The following MPDZ variants were observed in gnomAD, a reference collection of about 807,000 sequenced individuals.
MPDZ encodes multiple PDZ domain protein.
Under a neutral mutation model 239.1 loss-of-function variants are expected in MPDZ, and 234 were observed. The ratio of observed to expected loss-of-function variants is 0.98; its 90% confidence interval spans 0.88 to 1.09. The LOEUF is 1.09. Ranked by LOEUF, MPDZ falls within the 50% of genes least tolerant of loss-of-function variation. The probability of loss-of-function intolerance (pLI) is 0.00; values close to 1 mark genes in which losing one functional copy is unlikely to be tolerated. For missense variants in MPDZ, 3,175 were observed against 2,510.0 expected (o/e 1.26, Z -5.66); for synonymous variants, 1,048 against 881.3 (o/e 1.19, Z -3.35).
At chr9:13,236,225 G>GTA (rs1232732789) in intron 3 of MPDZ, among the ~76,000 whole-genome samples, 1 of 76,762 alleles carries the variant, frequency 1.3e-5, no homozygotes, top group South Asian at 5.9e-4. Context: ...GTGTGTGTGT[G>GTA]TATATGTATA....
chr9:13,118,145 G>T (rs1183074838), intron 39 of MPDZ, among the ~76,000 whole-genome samples: 1 of 152,132 alleles, frequency 6.6e-6, no homozygotes, highest in Admixed American at 6.6e-5. Context: ...CACCTGGTGA[G>T]ACTAGATTTT....
At chr9:13,207,232 A>G (rs1476783031) in intron 10 of MPDZ, among the ~76,000 whole-genome samples, 1 of 152,180 alleles carries the variant, frequency 6.6e-6, no homozygotes, top group African/African-American at 2.4e-5. Context: ...ACATTCAAAA[A>G]TGTCCCGGTG....
chr9:13,148,108 T>G (rs562651122), intron 25 of MPDZ, among the ~76,000 whole-genome samples: 1 of 152,100 alleles, frequency 6.6e-6, no homozygotes, highest in African/African-American at 2.4e-5. Context: ...CAGGGAAGCT[T>G]GAAGTTCAAA....
chr9:13,145,736 ATACC>A (rs1252584971), intron 26 of MPDZ, among the ~76,000 whole-genome samples: 1 of 152,038 alleles, frequency 6.6e-6, no homozygotes, highest in Non-Finnish European at 1.5e-5. Context: ...AGGTATCATT[ATACC>A]TCAGAGAGCA....
At chr9:13,203,773 C>CACACACAG (rs1400930663) in intron 12 of MPDZ, among the ~76,000 whole-genome samples, 11 of 125,736 alleles carry the variant, frequency 8.7e-5, no homozygotes, top group African/African-American at 2.9e-4. Context: ...CACACACACA[C>CACACACAG]AGAGAGAGAA....
At chr9:13,199,621 T>G (rs1395815960) in intron 12 of MPDZ, among the ~76,000 whole-genome samples, 9 of 152,212 alleles carry the variant, frequency 5.9e-5, no homozygotes, top group Admixed American at 1.3e-4. Flanking sequence ...CTGTTCGGTA[T>G]ATTAGCTGTG....
chr9:13,247,628 G>GTCCT lies in MPDZ; in HGVS notation c.183+3_183+6dup. 6.2e-7 allele frequency: 1 copy of GTCCT among 1,606,304 alleles called. No homozygotes were observed. The highest frequency in any genetic ancestry group is 1.3e-5 in the African/African-American group (1 of 74,970). On this transcript the variant is annotated splice_region_variant and intron_variant, in intron 3 of 46. Transcript: ENST00000319217. ...GTGAATGCCTGCTTGGGTGAATGAT[G>GTCCT]TCCTACCTGGTCTTTCAGCTGCTGT...
chr9:13,174,243 T>C (rs910261130), intron 21 of MPDZ, among the ~76,000 whole-genome samples: 3 of 152,198 alleles, frequency 2.0e-5, no homozygotes, highest in African/African-American at 2.4e-5. Flanking sequence ...TATTATAGCA[T>C]GTACAATATT....
At position 13,221,427 on chromosome 9, in the gene MPDZ, C is replaced by A. The variant is rs750474727; in HGVS notation, c.821G>T (p.Gly274Val). ...GSGLGFGIIGGKATGVIVKTI... is the reference protein window; with the variant it reads ...GSGLGFGIIGVKATGVIVKTI... Reference sequence around the variant, plus strand: ...TTTTACTATCACACCAGTTGCTTTTCCTCCTATGATGCCAAATCCCAAACC... The same window carrying A: ...TTTTACTATCACACCAGTTGCTTTTACTCCTATGATGCCAAATCCCAAACC... The change falls in exon 7 of 47, where the codon GGA (glycine) becomes GTA (valine). Residue 274 changes from glycine to valine, a missense_variant. Coordinates refer to ENST00000319217, the MANE Select transcript of MPDZ (RefSeq NM_001378778.1). 2 of 1,611,354 alleles carry A rather than the reference C, an allele frequency of 1.2e-6. No individual in the cohort carries two copies. Among genetic ancestry groups the A allele is most frequent in the Non-Finnish European group, 1.7e-6 (2 of 1,178,330 alleles).
chr9:13,236,077 T>C (rs1157624658), intron 3 of MPDZ, among the ~76,000 whole-genome samples: 1 of 150,908 alleles, frequency 6.6e-6, no homozygotes, highest in Non-Finnish European at 1.5e-5. Context: ...TAGTTTTTAT[T>C]CAAACCTGCA....
intron 32 of MPDZ, among the ~76,000 whole-genome samples, chr9:13,132,211 C>G (rs891645519): frequency 6.6e-6 from 1 of 152,172 alleles, no homozygotes; most frequent in African/African-American, 2.4e-5. Flanking sequence ...CAGAAACCAG[C>G]TTTTATATTG....
chr9:13,115,113 T>A, intron 40 of MPDZ, 135 bp downstream of exon 40: 1 of 673,178 alleles, frequency 1.5e-6, no homozygotes, highest in Non-Finnish European at 2.6e-6. Flanking sequence ...CTTCTCTGTC[T>A]CAAACTCTGC....
chr9:13,172,783 G>A (rs972844188), intron 21 of MPDZ, among the ~76,000 whole-genome samples: 3 of 152,130 alleles, frequency 2.0e-5, no homozygotes, highest in African/African-American at 7.2e-5. Flanking sequence ...TTCTAGATGT[G>A]ATGGAAAGGA....
At chr9:13,225,021 G>A (rs142884551) in intron 3 of MPDZ, among the ~76,000 whole-genome samples, 4 of 152,050 alleles carry the variant, frequency 2.6e-5, no homozygotes, top group Middle Eastern at 6.8e-3. Context: ...GCCCAAACTC[G>A]GAGCTGAATT....
chr9:13,147,505 A>G lies in MPDZ; in HGVS notation c.3741+43T>C, dbSNP rs769954916. 13 of 1,450,114 alleles carry G rather than the reference A, an allele frequency of 9.0e-6. No individual in the cohort carries two copies. The East Asian group carries it at 1.4e-4, about 15-fold the overall frequency. 89.8% of individuals were successfully genotyped at this position (1,450,114 alleles called of 1,614,324 possible). A position where few individuals can be genotyped will look rare whatever the true frequency, so the allele number is the denominator to read the frequency against. Reference sequence around the variant, plus strand: ...CTTGATACATTAGATTCCAAGTTGAACACTGTTTGGATATGCCTACCTTGC... The same window carrying G: ...CTTGATACATTAGATTCCAAGTTGAGCACTGTTTGGATATGCCTACCTTGC... On this transcript the variant is annotated intron_variant, in intron 26 of 46. Transcript: ENST00000319217.
At chr9:13,156,041 C>T (rs1166385296) in intron 24 of MPDZ, among the ~76,000 whole-genome samples, 3 of 152,134 alleles carry the variant, frequency 2.0e-5, no homozygotes, top group East Asian at 3.9e-4. Context: ...TTCATGATTT[C>T]TGTGTCAAAG....
At chr9:13,170,424 G>C (rs1233563855) in intron 21 of MPDZ, among the ~76,000 whole-genome samples, 1 of 152,036 alleles carries the variant, frequency 6.6e-6, no homozygotes, top group Non-Finnish European at 1.5e-5. Context: ...CGATTTTGAA[G>C]TGTATTGTTA....
intron 3 of MPDZ, among the ~76,000 whole-genome samples, chr9:13,224,843 G>C (rs575785266): frequency 1.3e-5 from 2 of 152,142 alleles, no homozygotes; most frequent in African/African-American, 4.8e-5. Context: ...TTCAACTTCA[G>C]GGTACTCATT....
intron 22 of MPDZ, among the ~76,000 whole-genome samples, chr9:13,163,584 A>G (rs963461199): frequency 2.0e-5 from 3 of 152,162 alleles, no homozygotes; most frequent in Admixed American, 6.6e-5. Flanking sequence ...TGCTTCTGAC[A>G]TGGTGGACAT....
Sources: allele counts gnomAD v4.1 joint callset (sites outside exome capture counted in the v4.1 genomes callset), GRCh38; gene constraint gnomAD v4.1.1; transcripts MANE v1.5; gene names NCBI Gene and HGNC (gene_info 2026-07-23, HGNC 2026-07-21).